FAM227B: variants seen among roughly 807,000 people sequenced by gnomAD.
FAM227B encodes the protein family with sequence similarity 227 member B.
FAM227B carries 88 observed loss-of-function variants against 73.8 expected under a neutral mutation model. That is an observed-to-expected ratio of 1.19 (90% confidence interval 1.00 to 1.42). FAM227B has a LOEUF of 1.42. Ranked by LOEUF, FAM227B falls within the 40% of genes most tolerant of loss-of-function variation. The probability of loss-of-function intolerance (pLI) is 0.00; values close to 1 mark genes in which losing one functional copy is unlikely to be tolerated. For missense variants in FAM227B, 632 were observed against 590.9 expected (o/e 1.07, Z -0.72); for synonymous variants, 210 against 190.5 (o/e 1.10, Z -0.84).
At chr15:49,580,867 C>A (rs1052493371) in intron 5 of FAM227B, among the ~76,000 whole-genome samples, 1 of 152,044 alleles carries the variant, frequency 6.6e-6, no homozygotes, top group Non-Finnish European at 1.5e-5. Flanking sequence ...GCAGAATAGA[C>A]CAAGATGAGG....
At chr15:49,371,828 C>T (rs929375831) in intron 11 of FAM227B, among the ~76,000 whole-genome samples, 2 of 135,692 alleles carry the variant, frequency 1.5e-5, no homozygotes. Context: ...ATAAAATTCA[C>T]TTATAAATAA....
chr15:49,498,731 C>T (rs566591693), intron 11 of FAM227B, among the ~76,000 whole-genome samples: 1 of 151,736 alleles, frequency 6.6e-6, no homozygotes, highest in East Asian at 1.9e-4. Context: ...AGACCCATCT[C>T]ATGTGAAATG....
chr15:49,572,729 T>C (rs936494368), intron 8 of FAM227B, among the ~76,000 whole-genome samples: 1 of 152,110 alleles, frequency 6.6e-6, no homozygotes, highest in Non-Finnish European at 1.5e-5. Context: ...TGCTTGGGAA[T>C]AGGCATTCCT....
At chr15:49,554,305 G>T (rs1405272700) in intron 9 of FAM227B, among the ~76,000 whole-genome samples, 1 of 152,150 alleles carries the variant, frequency 6.6e-6, no homozygotes. Context: ...TGCCCCTACT[G>T]ATGTGTCACT....
At chr15:49,574,870 G>T (rs2075349625) in intron 8 of FAM227B, 141 bp downstream of exon 8, 1 of 479,152 alleles carries the variant, frequency 2.1e-6, no homozygotes, top group Non-Finnish European at 3.8e-6. Context: ...CATCATATAG[G>T]ATTTCTAATG....
intron 3 of FAM227B, among the ~76,000 whole-genome samples, chr15:49,607,209 T>G (rs749290694): frequency 1.3e-5 from 2 of 152,206 alleles, no homozygotes; most frequent in Non-Finnish European, 2.9e-5. Flanking sequence ...TAATACCCAG[T>G]GCTTAACACT....
chr15:49,598,384 A>G (rs2077003340), intron 3 of FAM227B, among the ~76,000 whole-genome samples: 1 of 152,026 alleles, frequency 6.6e-6, no homozygotes, highest in Non-Finnish European at 1.5e-5. Flanking sequence ...TTGTGTATAC[A>G]AAATTATGTT....
chr15:49,433,331 C>T (rs895904636), intron 11 of FAM227B, among the ~76,000 whole-genome samples: 3 of 151,462 alleles, frequency 2.0e-5, no homozygotes, highest in African/African-American at 7.3e-5. Flanking sequence ...CCATATCTTA[C>T]TTTTTATTTT....
At chr15:49,372,137 C>A in intron 11 of FAM227B, among the ~76,000 whole-genome samples, 1 of 101,748 alleles carries the variant, frequency 9.8e-6, no homozygotes, top group African/African-American at 3.8e-5. Context: ...AAATAAAATT[C>A]ATTTATAAAT....
At chr15:49,459,062 C>T (rs2053567078) in intron 11 of FAM227B, among the ~76,000 whole-genome samples, 1 of 152,196 alleles carries the variant, frequency 6.6e-6, no homozygotes, top group Non-Finnish European at 1.5e-5. Context: ...ACTAATATAT[C>T]TTCCTTCTCT....
At chr15:49,555,549 T>C (rs892025527) in intron 9 of FAM227B, among the ~76,000 whole-genome samples, 10 of 152,218 alleles carry the variant, frequency 6.6e-5, no homozygotes, top group African/African-American at 2.4e-4. Context: ...TCTTGTATAG[T>C]ATTTTGCAGT....
At chr15:49,532,658 C>T (rs1439742694) in intron 10 of FAM227B, among the ~76,000 whole-genome samples, 6 of 145,182 alleles carry the variant, frequency 4.1e-5, no homozygotes, top group African/African-American at 7.4e-5. Context: ...CAATTATAAT[C>T]GTAATTAATA....
chr15:49,390,482 T>A (rs1193515410), intron 11 of FAM227B, among the ~76,000 whole-genome samples: 6 of 152,120 alleles, frequency 3.9e-5, no homozygotes, highest in Non-Finnish European at 7.4e-5. Flanking sequence ...TGTTTTTGGA[T>A]ACTTCCCAAT....
At chr15:49,524,011 G>C (rs2059971154) in intron 10 of FAM227B, among the ~76,000 whole-genome samples, 1 of 150,240 alleles carries the variant, frequency 6.7e-6, no homozygotes, top group Non-Finnish European at 1.5e-5. Flanking sequence ...AAGGGAAACA[G>C]AGCACAAAAG....
intron 11 of FAM227B, among the ~76,000 whole-genome samples, chr15:49,397,516 C>T (rs946879193): frequency 3.3e-5 from 5 of 151,780 alleles, no homozygotes; most frequent in African/African-American, 4.8e-5. Flanking sequence ...AGATACTCCT[C>T]GAGAAGAGCA....
At chr15:49,367,416 A>G in intron 13 of FAM227B, 32 bp downstream of exon 13, 2 of 1,497,984 alleles carry the variant, frequency 1.3e-6, no homozygotes, top group Non-Finnish European at 1.8e-6. Flanking sequence ...TTTGAAAGAA[A>G]TTATATTAAA....
At chr15:49,432,576 T>A (rs1412422737) in intron 11 of FAM227B, among the ~76,000 whole-genome samples, 1 of 151,656 alleles carries the variant, frequency 6.6e-6, no homozygotes, top group Non-Finnish European at 1.5e-5. Flanking sequence ...TGAGAGCTAT[T>A]GTCTAAGGAT....
chr15:49,611,414 C>T, intron 2 of FAM227B, 146 bp from the exon 3 acceptor site: 2 of 486,278 alleles, frequency 4.1e-6, no homozygotes, highest in Non-Finnish European at 3.6e-6. Flanking sequence ...TTTATACCAT[C>T]CCTCCACTTT....
At chr15:49,458,210 A>G (rs10048065) in intron 11 of FAM227B, among the ~76,000 whole-genome samples, 104,202 of 151,706 alleles carry the variant, frequency 0.69, 36,159 homozygotes, top group East Asian at 0.92. Context: ...GTGGTCCTCA[A>G]GTACCAATGA....
Sources: allele counts gnomAD v4.1 joint callset (sites outside exome capture counted in the v4.1 genomes callset), GRCh38; gene constraint gnomAD v4.1.1; transcripts MANE v1.5; gene names NCBI Gene and HGNC (gene_info 2026-07-23, HGNC 2026-07-21).